The following MX1 variants were observed in gnomAD, a reference collection of about 807,000 sequenced individuals.
MX1 encodes interferon-induced GTP-binding protein Mx1.
Under a neutral mutation model 66.4 loss-of-function variants are expected in MX1, and 66 were observed. The ratio of observed to expected loss-of-function variants is 0.99; its 90% CI spans 0.82 to 1.22. MX1 has a LOEUF of 1.22. MX1 is among the 50% of genes most tolerant of loss of function. The pLI is 0.00. For missense variants in MX1, 787 were observed against 834.3 expected (o/e 0.94, Z 0.70); for synonymous variants, 311 against 318.1 (o/e 0.98, Z 0.24).
upstream of MX1, among the ~76,000 whole-genome samples, chr21:41,423,803 T>C (rs183584320): frequency 2.0e-5 from 3 of 152,270 alleles, no homozygotes; most frequent in Admixed American, 1.3e-4. Flanking sequence ...CACCAAAATC[T>C]AAGGCCAGGG....
At chr21:41,437,562 GC>G (rs143991016) in intron 7 of MX1, among the ~76,000 whole-genome samples, 2,870 of 152,292 alleles carry the variant, frequency 0.019, 135 homozygotes, top group East Asian at 0.16. Context: ...AGTTGCTTGA[GC>G]CTGGGAAGTC....
chr21:41,443,236 T>C (rs1168557403), intron 10 of MX1, among the ~76,000 whole-genome samples: 1 of 152,232 alleles, frequency 6.6e-6, no homozygotes, highest in Non-Finnish European at 1.5e-5. Flanking sequence ...CTATAAAATG[T>C]GGGAAACCCT....
Position 41,446,068 on chromosome 21 carries a change from C to T in MX1, c.1200C>T (p.Asp400=), listed in dbSNP as rs1415220749. ...GAGAGGAAACTGTAGGGGAGGAAGACATTCGGCTGTTTACCAGACTCCGAC... is the reference window on the plus strand; with the variant it reads ...GAGAGGAAACTGTAGGGGAGGAAGATATTCGGCTGTTTACCAGACTCCGAC... The part of the protein sequence containing the change: ...MQGEETVGEE[D]IRLFTRLRHE... Residue 400 remains aspartate, a synonymous_variant, in exon 13 of 17, where the codon GAC becomes GAT. Transcript: ENST00000398598. 1.9e-6 allele frequency: 3 copies of T among 1,614,068 alleles called. No homozygotes were observed. The highest frequency in any genetic ancestry group is 1.7e-6 in the Non-Finnish European group (2 of 1,180,026).
At position 41,458,768 on chromosome 21, in the gene MX1, G is replaced by A; in HGVS notation, c.*10G>A. ...CCAGTTCCCCGGTTAACCACACTCT[G>A]TCCAGCCCCGTAGACGTGCACGCAC... On this transcript the variant is annotated 3_prime_UTR_variant, in exon 17 of 17. Coordinates refer to ENST00000398598, the MANE Select transcript of MX1 (RefSeq NM_002462.5). The A allele has an allele frequency of 6.2e-7, 1 of 1,606,728 alleles. No homozygotes were observed. The highest frequency in any genetic ancestry group is 8.5e-7 in the Non-Finnish European group (1 of 1,178,982).
At chr21:41,435,701 C>T (rs1233193683) in intron 5 of MX1, 136 bp from the exon 6 acceptor site, 2 of 970,702 alleles carry the variant, frequency 2.1e-6, no homozygotes, top group Non-Finnish European at 3.1e-6. Flanking sequence ...ATTACCTCCA[C>T]CTGGTCTCTC....
At chr21:41,442,022 T>TGTGTGTGTGC (rs1329927424) in intron 10 of MX1, 108 bp downstream of exon 10, 2 of 1,015,334 alleles carry the variant, frequency 2.0e-6, no homozygotes. Context: ...TGTGTGTGTG[T>TGTGTGTGTGC]GTGCGTGTGT....
At chr21:41,439,293 A>G (rs1489743302) in intron 7 of MX1, among the ~76,000 whole-genome samples, 1 of 152,322 alleles carries the variant, frequency 6.6e-6, no homozygotes, top group East Asian at 1.9e-4. Context: ...ACATTTCCCC[A>G]TATAATTTTC....
At chr21:41,452,958 TGA>T in intron 16 of MX1, 89 bp downstream of exon 16, 10 of 1,503,246 alleles carry the variant, frequency 6.7e-6, no homozygotes, top group Non-Finnish European at 9.0e-6. Flanking sequence ...TCTCTGTAGG[TGA>T]CGTTGGTCAG....
At chr21:41,457,457 C>T (rs532419709) in intron 16 of MX1, among the ~76,000 whole-genome samples, 1 of 152,106 alleles carries the variant, frequency 6.6e-6, no homozygotes, top group Non-Finnish European at 1.5e-5. Flanking sequence ...TTACATGATA[C>T]CTTTGGCCCA....
chr21:41,459,010 T>G lies in MX1; in HGVS notation c.*252T>G. 1 of 620,228 alleles carries G rather than the reference T, an allele frequency of 1.6e-6. No homozygotes were observed. Among genetic ancestry groups the G allele is most frequent in the Non-Finnish European group, 2.7e-6 (1 of 370,736 alleles). 38.4% of individuals were successfully genotyped at this position (620,228 alleles called of 1,614,324 possible). ...CTGTCTTCGTACTGGGAAAGGGATTTTCAGCCCTCAGAATCGCTCCACCTT... is the reference window on the plus strand; with the variant it reads ...CTGTCTTCGTACTGGGAAAGGGATTGTCAGCCCTCAGAATCGCTCCACCTT... On this transcript the variant is annotated 3_prime_UTR_variant, in exon 17 of 17. Transcript: ENST00000398598.
intron 16 of MX1, among the ~76,000 whole-genome samples, chr21:41,456,427 G>A (rs390467): frequency 0.95 from 144,738 of 152,280 alleles, 69,337 homozygotes; most frequent in African/African-American, 0.99. Flanking sequence ...GTCCACAGGC[G>A]GAATTTCTTC....
chr21:41,439,426 G>T (rs908468423), intron 7 of MX1, among the ~76,000 whole-genome samples: 4 of 152,148 alleles, frequency 2.6e-5, no homozygotes, highest in Non-Finnish European at 5.9e-5. Context: ...TCTTGCCTCC[G>T]CCCAGCTTTG....
Position 41,458,631 on chromosome 21 carries a change from A to G in MX1, c.1862A>G (p.Gln621Arg). Residue 621 changes from glutamine to arginine, a missense_variant, in exon 17 of 17, where the codon CAG (glutamine) becomes CGG (arginine). Gln to Arg is a conservative substitution (Grantham distance 43). Transcript: ENST00000398598. ...CAGAAGGCCATGCTGCAGCTCCTGC[A>G]GGACAAGGACACCTACAGCTGGCTC... ...QLQKAMLQLLQDKDTYSWLLK... is the reference protein window; with the variant it reads ...QLQKAMLQLLRDKDTYSWLLK... The G allele has an allele frequency of 1.2e-6, 2 of 1,614,274 alleles. No homozygotes were observed. Among genetic ancestry groups the G allele is most frequent in the Non-Finnish European group, 1.7e-6 (2 of 1,180,054 alleles).
At position 41,441,137 on chromosome 21, in the gene MX1, G is replaced by C; in HGVS notation, c.730+112G>C. ...GGTGAGAATGGGGGAGCCCGCCTGT[G>C]CTCGGTGAGAATGGGGGAGCCCGCC... On this transcript the variant is annotated intron_variant, in intron 9 of 16. Transcript: ENST00000398598. This position sits in a 1 kb window ranked among gnomAD's most constrained non-coding sequence, Gnocchi z 4.0. 1 of 1,175,646 alleles carries C rather than the reference G, an allele frequency of 8.5e-7. No homozygotes were observed. The allele number at this position is 1,175,646 out of a possible 1,614,324, so 72.8% of individuals were successfully genotyped here. A position where few individuals can be genotyped will look rare whatever the true frequency, so the allele number is the denominator to read the frequency against.
At chr21:41,448,926 GGTTTTGTGTGTGTGTGTGTGTGTGTGT>G (rs1568991171) in intron 13 of MX1, among the ~76,000 whole-genome samples, 184 bp from the exon 14 acceptor site, 1 of 142,820 alleles carries the variant, frequency 7.0e-6, no homozygotes, top group African/African-American at 2.6e-5. Flanking sequence ...CTTCAGATCT[GGTTTTGTGTGTGTGTGTGTGTGTGTGT>G]GTGTGTGTGT....
chr21:41,447,049 G>C (rs534945638), intron 13 of MX1, among the ~76,000 whole-genome samples: 9 of 152,276 alleles, frequency 5.9e-5, no homozygotes, highest in African/African-American at 2.2e-4. Context: ...GGTTGGCTTT[G>C]GCTGTCATAA....
Position 41,452,628 on chromosome 21 carries a change from T to C in MX1, c.1517T>C (p.Ile506Thr), listed in dbSNP as rs752575055. The change falls in exon 16 of 17, where the codon ATT becomes ACT. Residue 506 changes from isoleucine (I) to threonine (T), a missense_variant. By Grantham distance (89) the Ile-to-Thr change is moderately conservative. Coordinates refer to ENST00000398598, the MANE Select transcript of MX1 (RefSeq NM_002462.5). ...FNLHRTAKSK[I>T]EDIRAEQERE... Reference sequence around the variant, plus strand: ...ATTTATTTTTTACTGTAGTCCAAAATTGAAGACATTAGAGCAGAACAAGAG... The same window carrying C: ...ATTTATTTTTTACTGTAGTCCAAAACTGAAGACATTAGAGCAGAACAAGAG... 7 of 1,597,784 alleles carry C rather than the reference T, an allele frequency of 4.4e-6. No homozygotes were observed. The highest frequency in any genetic ancestry group is 5.1e-6 in the Non-Finnish European group (6 of 1,174,030).
In MX1 at chr21:41,435,768, A is replaced by G. The variant is rs947827882; in HGVS notation, c.106-69A>G. ...TTCGAGATGAGATTTGGGTAGGGACACAGAACCAAACCATATCATGAGCAT... is the reference window on the plus strand; with the variant it reads ...TTCGAGATGAGATTTGGGTAGGGACGCAGAACCAAACCATATCATGAGCAT... On this transcript the variant is annotated intron_variant, in intron 5 of 16. Transcript: ENST00000398598. The G allele has an allele frequency of 7.2e-6, 11 of 1,530,672 alleles. No homozygotes were observed. In the African/African-American group the frequency reaches 1.5e-4, roughly 21 times the overall value. 94.8% of individuals were successfully genotyped at this position (1,530,672 alleles called of 1,614,324 possible).
intron 5 of MX1, among the ~76,000 whole-genome samples, chr21:41,434,803 A>G (rs77877241): frequency 0.019 from 2,821 of 152,322 alleles, 89 homozygotes; most frequent in African/African-American, 0.064. Flanking sequence ...CAAACATTCA[A>G]TTATCTTTTA....
Sources: gnomAD v4.1 joint callset for allele counts (sites outside exome capture counted in the v4.1 genomes callset) on GRCh38, gnomAD v4.1.1 for gene constraint, Gnocchi (gnomAD v3.1) non-coding constraint, MANE v1.5 for transcripts, NCBI Gene and HGNC (gene_info 2026-07-23, HGNC 2026-07-21) for gene names.